Variants in AP1B1 observed in about 807,000 individuals in gnomAD.
The protein encoded by AP1B1 is adaptor related protein complex 1 subunit beta 1.
AP1B1 carries 36 observed loss-of-function variants against 104.3 expected under a neutral mutation model. The observed-to-expected ratio is 0.35, with a 90% CI of 0.26 to 0.46. The LOEUF is 0.46. Ranked by LOEUF, AP1B1 falls within the 20% of genes least tolerant of loss-of-function variation. The pLI is 1.00. For synonymous variants in AP1B1, 504 were observed against 517.5 expected, an observed-to-expected ratio of 0.97 and a Z score of 0.35; for missense variants, 901 against 1,247.9, an observed-to-expected ratio of 0.72 and a Z score of 4.19.
intron 1 of AP1B1, among the ~76,000 whole-genome samples, chr22:29,368,789 G>A (rs1307842812): frequency 1.3e-5 from 2 of 151,820 alleles, no homozygotes; most frequent in Non-Finnish European, 1.5e-5. Flanking sequence ...GCCGGACGCA[G>A]TGGTGCACAC....
intron 11 of AP1B1, among the ~76,000 whole-genome samples, chr22:29,343,111 T>G (rs866794998): frequency 1.1e-4 from 17 of 152,272 alleles, no homozygotes; most frequent in Non-Finnish European, 2.2e-4. Flanking sequence ...GCCTGGTGTA[T>G]AGCAGGCACT....
intron 1 of AP1B1, among the ~76,000 whole-genome samples, chr22:29,381,658 T>G (rs1464945790): frequency 6.6e-6 from 1 of 152,176 alleles, no homozygotes; most frequent in Admixed American, 6.5e-5. Flanking sequence ...GTGAATAAAT[T>G]ATGAGAGAGA....
intron 17 of AP1B1, 67 bp downstream of exon 17, chr22:29,334,198 C>T (rs2061603688): frequency 4.3e-6 from 6 of 1,409,518 alleles, no homozygotes; most frequent in Admixed American, 2.4e-5. Flanking sequence ...GTCCCCAGAA[C>T]AGACTCCGAG....
intron 5 of AP1B1, among the ~76,000 whole-genome samples, chr22:29,357,595 A>G (rs1396488617): frequency 6.6e-6 from 1 of 150,464 alleles, no homozygotes; most frequent in African/African-American, 2.5e-5. Flanking sequence ...TGAATTCCTG[A>G]CCTCAGGTGA....
chr22:29,379,425 A>C (rs1227575195), intron 1 of AP1B1, among the ~76,000 whole-genome samples: 3 of 152,230 alleles, frequency 2.0e-5, no homozygotes, highest in Non-Finnish European at 4.4e-5. Flanking sequence ...AAGAGGCCAG[A>C]GACTACAGAA....
In AP1B1 at chr22:29,329,357, T is replaced by C. The variant is rs903590845; in HGVS notation, c.2775+355A>G. 6.6e-6 allele frequency: 8 copies of C among 1,203,572 alleles called. No homozygotes were observed. The African/African-American group carries it at 9.4e-5, about 14-fold the overall frequency. 74.6% of individuals were successfully genotyped at this position (1,203,572 alleles called of 1,614,324 possible). On this transcript the variant is annotated intron_variant, in intron 22 of 22. Transcript: ENST00000357586. Reference sequence around the variant, plus strand: ...GTAGGAAGCAGGCACGGTAGAGACTTTGCCTCCGCTCTGGGGCCTGAGCTT... The same window carrying C: ...GTAGGAAGCAGGCACGGTAGAGACTCTGCCTCCGCTCTGGGGCCTGAGCTT...
intron 16 of AP1B1, among the ~76,000 whole-genome samples, chr22:29,335,011 C>G (rs2061617657): frequency 6.6e-6 from 1 of 152,212 alleles, no homozygotes; most frequent in Non-Finnish European, 1.5e-5. Context: ...CTCCTGGAAC[C>G]CTGCCCCCAG....
intron 16 of AP1B1, among the ~76,000 whole-genome samples, chr22:29,336,447 A>T (rs2061638904): frequency 6.6e-6 from 1 of 152,160 alleles, no homozygotes; most frequent in Non-Finnish European, 1.5e-5. Context: ...CCTTTCCAGC[A>T]TGCTCTGTTG....
At chr22:29,381,912 T>A (rs1334377200) in intron 1 of AP1B1, among the ~76,000 whole-genome samples, 1 of 151,720 alleles carries the variant, frequency 6.6e-6, no homozygotes, top group African/African-American at 2.4e-5. Flanking sequence ...TCTGCTTGGA[T>A]TATCCTCTCC....
intron 1 of AP1B1, among the ~76,000 whole-genome samples, chr22:29,376,840 T>C (rs1166372689): frequency 6.6e-6 from 1 of 152,128 alleles, no homozygotes; most frequent in Non-Finnish European, 1.5e-5. Context: ...CCACAAAGCT[T>C]AGAGTTCGTT....
In AP1B1 at chr22:29,327,772, C is replaced by T. The variant is rs2061501164; in HGVS notation, c.*1049G>A. ...TGATGATATATATTAGATCTAGTTA[C>T]CGTAGGGTCAGAAAACCATCCCCAA... On this transcript the variant is annotated 3_prime_UTR_variant, in exon 23 of 23. Transcript: ENST00000357586. 6.6e-6 allele frequency: 1 copy of T among 152,058 alleles called. No individual in the cohort carries two copies. The allele number at this position is 152,058 out of a possible 1,614,324, so 9.4% of individuals were successfully genotyped here.
intron 1 of AP1B1, among the ~76,000 whole-genome samples, chr22:29,371,707 G>A (rs555567041): frequency 2.0e-5 from 3 of 151,980 alleles, no homozygotes; most frequent in East Asian, 3.9e-4. Context: ...TAGCTTGGGC[G>A]ACAGAGTGAG....
chr22:29,356,140 C>T (rs1327797648), intron 6 of AP1B1, among the ~76,000 whole-genome samples: 1 of 152,264 alleles, frequency 6.6e-6, no homozygotes, highest in Admixed American at 6.5e-5. Context: ...TGAGCAGTGG[C>T]TCTGGCGCTA....
chr22:29,357,517 C>A (rs2061977882), intron 5 of AP1B1, among the ~76,000 whole-genome samples: 1 of 152,004 alleles, frequency 6.6e-6, no homozygotes, highest in African/African-American at 2.4e-5. Context: ...AGGCACGCAC[C>A]ACCATGCCCA....
At chr22:29,355,648 G>A (rs1292613697) in intron 6 of AP1B1, among the ~76,000 whole-genome samples, 1 of 151,982 alleles carries the variant, frequency 6.6e-6, no homozygotes, top group Non-Finnish European at 1.5e-5. Flanking sequence ...TAAAGAACAA[G>A]GCTGGGTGAG....
chr22:29,331,924 G>C lies in AP1B1; in HGVS notation c.2310-8C>G, dbSNP rs1490345630. The C allele has an allele frequency of 1.9e-6, 3 of 1,606,220 alleles. No individual in the cohort carries two copies. The highest frequency in any genetic ancestry group is 2.5e-6 in the Non-Finnish European group (3 of 1,176,852). ...GCGGGGGCCAGGCCAAAGCTGGGGA[G>C]AGAGAAGCCCCACAGGGATGGCAGG... is the stretch of plus-strand genomic sequence containing the variant. On this transcript the variant is annotated splice_region_variant and splice_polypyrimidine_tract_variant and intron_variant, in intron 17 of 22. Coordinates refer to ENST00000357586, the MANE Select transcript of AP1B1 (RefSeq NM_001127.4).
At chr22:29,376,146 G>A (rs2062337326) in intron 1 of AP1B1, among the ~76,000 whole-genome samples, 1 of 152,204 alleles carries the variant, frequency 6.6e-6, no homozygotes, top group Admixed American at 6.5e-5. Flanking sequence ...TGCAGCCAAG[G>A]CCAGCAAACC....
chr22:29,387,875 T>G (rs756604439), intron 1 of AP1B1, among the ~76,000 whole-genome samples: 24 of 152,224 alleles, frequency 1.6e-4, no homozygotes, highest in African/African-American at 2.4e-5. Context: ...AGGGACTCGA[T>G]AGCCACTAGC....
Position 29,349,708 on chromosome 22 carries a change from GT to G in AP1B1, c.1271+326del, listed in dbSNP as rs578181859. Among the ~76,000 whole-genome samples the G allele has an allele frequency of 1.1e-4, 17 of 152,102 alleles. No homozygotes were observed. In the South Asian group the frequency reaches 3.1e-3, roughly 28 times the overall value. ...TTTTTGTATTTTTAGTAGAAACATG[GT>G]TTCACTATGTTGGCTAGACTAGTCT... is the stretch of plus-strand genomic sequence containing the variant. On this transcript the variant is annotated intron_variant, in intron 10 of 22. Coordinates refer to ENST00000357586, the MANE Select transcript of AP1B1 (RefSeq NM_001127.4).
Sources: gnomAD v4.1 joint callset for allele counts (sites outside exome capture counted in the v4.1 genomes callset) on GRCh38, gnomAD v4.1.1 for gene constraint, MANE v1.5 for transcripts, NCBI Gene and HGNC (gene_info 2026-07-23, HGNC 2026-07-21) for gene names.